The following GTF2A1 variants were observed in gnomAD, a reference collection of about 807,000 sequenced individuals.
GTF2A1 encodes transcription initiation factor IIA subunit 1.
A neutral mutation model predicts 54.1 loss-of-function variants in GTF2A1; 12 were observed. The observed-to-expected ratio is 0.22, with a 90% CI of 0.14 to 0.36. The LOEUF (loss-of-function observed/expected upper bound fraction) is 0.36. GTF2A1 is among the 10% of genes least tolerant of loss of function. GTF2A1 has a pLI of 1.00. For synonymous variants in GTF2A1, 145 were observed against 152.0 expected, an observed-to-expected ratio of 0.95 and a Z score of 0.34; for missense variants, 335 against 442.2, an observed-to-expected ratio of 0.76 and a Z score of 2.17.
intron 8 of GTF2A1, among the ~76,000 whole-genome samples, chr14:81,184,924 T>A (rs1892710480): frequency 6.6e-6 from 1 of 152,046 alleles, no homozygotes; most frequent in African/African-American, 2.4e-5. Context: ...ATAATACAAA[T>A]AAATGTAACA....
chr14:81,182,202 CAA>C (rs1191628015), intron 8 of GTF2A1, among the ~76,000 whole-genome samples: 1 of 152,040 alleles, frequency 6.6e-6, no homozygotes, highest in African/African-American at 2.4e-5. Context: ...TAAAGCAAAA[CAA>C]AGCACAATAA....
Position 81,185,622 on chromosome 14 carries a change from T to A in GTF2A1, c.934-2A>T. ...ATCATCTTCACTATTGAGGGGCTCC[T>A]ACAAATAAAAGGAGAGTTCTTATTA... On this transcript the variant is annotated splice_acceptor_variant, in intron 7 of 8. Coordinates refer to ENST00000553612, the MANE Select transcript of GTF2A1 (RefSeq NM_015859.4). LOFTEE classifies it high-confidence loss of function. 1 of 1,530,942 alleles carries A rather than the reference T, an allele frequency of 6.5e-7. No homozygotes were observed. Among genetic ancestry groups the A allele is most frequent in the Non-Finnish European group, 9.0e-7 (1 of 1,105,990 alleles). 94.8% of individuals were successfully genotyped at this position (1,530,942 alleles called of 1,614,324 possible). A position where few individuals can be genotyped will look rare whatever the true frequency, so the allele number is the denominator to read the frequency against.
upstream of GTF2A1, chr14:81,220,969 G>A (rs562637541): frequency 2.5e-5 from 4 of 162,382 alleles, no homozygotes; most frequent in South Asian, 1.6e-4. Context: ...CAGGGTGAAG[G>A]GGGAGGGAGG....
rs752549063 is a variant in GTF2A1 at position 81,180,177 on chromosome 14, A to AT, written c.*45dup. The AT allele has an allele frequency of 6.3e-5, 52 of 827,158 alleles. No homozygotes were observed. The highest frequency in any genetic ancestry group is 2.4e-4 in the African/African-American group (14 of 57,256). The allele number at this position is 827,158 out of a possible 1,614,324, so 51.2% of individuals were successfully genotyped here. On this transcript the variant is annotated 3_prime_UTR_variant, in exon 9 of 9. Transcript: ENST00000553612. ...CCAAGTTTCAAACTGTCCGCTTTAC[A>AT]TTTTTTTTAAGTTTCTTTTATTTAT...
At chr14:81,193,077 T>C (rs928421610) in intron 6 of GTF2A1, among the ~76,000 whole-genome samples, 4 of 152,104 alleles carry the variant, frequency 2.6e-5, no homozygotes, top group Non-Finnish European at 5.9e-5. Flanking sequence ...ATTGAGCACA[T>C]ACTATGTATA....
intron 8 of GTF2A1, among the ~76,000 whole-genome samples, chr14:81,184,717 C>T (rs1467754810): frequency 1.3e-5 from 2 of 152,200 alleles, no homozygotes; most frequent in African/African-American, 4.8e-5. Context: ...ATCGCCAGGG[C>T]CTAGAATAGT....
chr14:81,199,943 G>C (rs1893067502), intron 4 of GTF2A1, among the ~76,000 whole-genome samples: 1 of 14,828 alleles, frequency 6.7e-5, no homozygotes, highest in African/African-American at 3.4e-4. Flanking sequence ...CATATAGTGA[G>C]ACTTTTTTTT....
chr14:81,190,815 C>A (rs1566853218), intron 7 of GTF2A1, among the ~76,000 whole-genome samples: 3 of 152,062 alleles, frequency 2.0e-5, no homozygotes, highest in Non-Finnish European at 4.4e-5. Flanking sequence ...CAAAAAACTG[C>A]CGTTCTTCAT....
chr14:81,193,917 T>C (rs916295940), intron 6 of GTF2A1, among the ~76,000 whole-genome samples: 5 of 152,104 alleles, frequency 3.3e-5, no homozygotes, highest in East Asian at 1.9e-4. Flanking sequence ...AATGGTATAA[T>C]AGACAAAGCA....
At chr14:81,207,355 T>C (rs1260792715) in intron 2 of GTF2A1, among the ~76,000 whole-genome samples, 1 of 152,154 alleles carries the variant, frequency 6.6e-6, no homozygotes, top group African/African-American at 2.4e-5. Context: ...CGCTTTTGCT[T>C]GTTCCTCATT....
chr14:81,203,991 GTGATGCTGCTGCTGCTGGGGT>G lies in GTF2A1; in HGVS notation c.225_245del (p.Gln75_His81del), dbSNP rs1292126364. ...GAGCTTGCTGATGATGGTGATGGTG[GTGATGCTGCTGCTGCTGGGGT>G]TGATGCTGCTGTTGAACTTGCAGTA... On this transcript the variant is annotated inframe_deletion, in exon 3 of 9. Coordinates refer to ENST00000553612, the MANE Select transcript of GTF2A1 (RefSeq NM_015859.4). The G allele has an allele frequency of 6.2e-7, 1 of 1,613,922 alleles. No homozygotes were observed. Among genetic ancestry groups the G allele is most frequent in the African/African-American group, 1.3e-5 (1 of 75,050 alleles).
At chr14:81,188,645 C>T (rs1014618062) in intron 7 of GTF2A1, among the ~76,000 whole-genome samples, 20 of 151,390 alleles carry the variant, frequency 1.3e-4, no homozygotes, top group African/African-American at 3.4e-4. Context: ...GGCATGGTGG[C>T]GGGCACCTGT....
intron 7 of GTF2A1, among the ~76,000 whole-genome samples, chr14:81,187,953 A>C (rs1371051289): frequency 6.6e-6 from 1 of 152,124 alleles, no homozygotes; most frequent in Admixed American, 6.6e-5. Flanking sequence ...ACAATGCACA[A>C]GGGCTCCAAT....
chr14:81,197,519 T>C (rs1185458907), intron 4 of GTF2A1, 35 bp from the exon 5 acceptor site: 2 of 1,120,954 alleles, frequency 1.8e-6, no homozygotes, highest in Non-Finnish European at 2.7e-6. Flanking sequence ...CAAAACCACA[T>C]ACATGTATAA....
chr14:81,175,559 C>T lies in GTF2A1; in HGVS notation c.*4664G>A, dbSNP rs1449864700. ...GGATAAAAAAATACAAAAAGGCGAGCTTCTTAATGATTCAGCTGAATTAAC... is the reference window on the plus strand; with the variant it reads ...GGATAAAAAAATACAAAAAGGCGAGTTTCTTAATGATTCAGCTGAATTAAC... On this transcript the variant is annotated 3_prime_UTR_variant, in exon 9 of 9. Transcript: ENST00000553612. 6.6e-6 allele frequency: 1 copy of T among 152,130 alleles called. No homozygotes were observed. Among genetic ancestry groups the T allele is most frequent in the Non-Finnish European group, 1.5e-5 (1 of 68,002 alleles). 9.4% of individuals were successfully genotyped at this position (152,130 alleles called of 1,614,324 possible).
At chr14:81,202,242 C>T (rs1893129106) in intron 3 of GTF2A1, among the ~76,000 whole-genome samples, 1 of 152,166 alleles carries the variant, frequency 6.6e-6, no homozygotes, top group Non-Finnish European at 1.5e-5. Flanking sequence ...GTAAACTGGA[C>T]ATTTTCAAAC....
intron 7 of GTF2A1, among the ~76,000 whole-genome samples, chr14:81,186,532 G>A (rs987873717): frequency 1.3e-5 from 2 of 152,016 alleles, no homozygotes; most frequent in Admixed American, 1.3e-4. Context: ...CCTAACTAGA[G>A]CATAAAATAA....
chr14:81,189,407 C>T (rs753020279), intron 7 of GTF2A1, among the ~76,000 whole-genome samples: 2 of 152,182 alleles, frequency 1.3e-5, no homozygotes, highest in African/African-American at 2.4e-5. Context: ...CGCGGTGGCT[C>T]ATGCCTATAA....
rs763869018 is a variant in GTF2A1, at chr14:81,204,018, C to A, written c.219G>T (p.Gln73His). The A allele has an allele frequency of 1.2e-6, 2 of 1,613,622 alleles. No homozygotes were observed. The highest frequency in any genetic ancestry group is 1.1e-5 in the South Asian group (1 of 91,074). ...EQQLLLQVQQ[Q>H]HQPQQQQHHH... is the part of the protein sequence containing the mutation. ...GATGCTGCTGCTGCTGGGGTTGATG[C>A]TGCTGTTGAACTTGCAGTAGAAGCT... The change falls in exon 3 of 9, where the codon CAG becomes CAT. Residue 73 changes from glutamine (Q) to histidine (H), a missense_variant. Transcript: ENST00000553612.
Sources: gnomAD v4.1 joint callset for allele counts (sites outside exome capture counted in the v4.1 genomes callset) on GRCh38, gnomAD v4.1.1 for gene constraint, MANE v1.5 for transcripts, NCBI Gene and HGNC (gene_info 2026-07-23, HGNC 2026-07-21) for gene names.